Variants in TRUB2 observed in about 807,000 individuals in gnomAD.
TRUB2 encodes the protein pseudouridylate synthase TRUB2, mitochondrial.
A neutral mutation model predicts 31.9 loss-of-function variants in TRUB2; 31 were observed. That is an observed-to-expected ratio of 0.97 (90% confidence interval 0.73 to 1.31). TRUB2 has a LOEUF of 1.31. Among genes scored for constraint, TRUB2 ranks in the 50% most tolerant of loss-of-function variants. The pLI is 0.00. For synonymous variants in TRUB2, 201 were observed against 182.6 expected, an observed-to-expected ratio of 1.10 and a Z score of -0.81; for missense variants, 451 against 439.6, an observed-to-expected ratio of 1.03 and a Z score of -0.23.
chr9:128,317,363 C>G, intron 2 of TRUB2, 137 bp from the exon 3 acceptor site: 1 of 775,446 alleles, frequency 1.3e-6, no homozygotes, highest in Non-Finnish European at 2.1e-6. Flanking sequence ...CAGGCTTCCC[C>G]GTCATGGAAT....
chr9:128,314,552 G>A (rs965811599), intron 4 of TRUB2, among the ~76,000 whole-genome samples: 1 of 151,838 alleles, frequency 6.6e-6, no homozygotes, highest in Non-Finnish European at 1.5e-5. Context: ...CGGGTGGATC[G>A]TCGAGTAGCT....
At chr9:128,321,544 G>A (rs888945095) in intron 2 of TRUB2, 55 bp downstream of exon 2, 1 of 1,608,606 alleles carries the variant, frequency 6.2e-7, no homozygotes, top group Non-Finnish European at 8.5e-7. Context: ...ACACTGACTC[G>A]GCTCAGGGAT....
At chr9:128,311,116 T>C in intron 6 of TRUB2, 93 bp from the exon 7 acceptor site, 1 of 1,537,266 alleles carries the variant, frequency 6.5e-7, no homozygotes, top group South Asian at 1.2e-5. Context: ...TTGCTTTGTG[T>C]GCCCTGCCAC....
chr9:128,313,014 C>T (rs1190401691), intron 5 of TRUB2, among the ~76,000 whole-genome samples: 1 of 150,932 alleles, frequency 6.6e-6, no homozygotes, highest in Non-Finnish European at 1.5e-5. Flanking sequence ...TCAGGAGTTC[C>T]AGACCAGACT....
intron 7 of TRUB2, 53 bp downstream of exon 7, chr9:128,310,834 C>T: frequency 3.7e-6 from 6 of 1,608,368 alleles, no homozygotes; most frequent in Non-Finnish European, 5.1e-6. Flanking sequence ...TCCTGAGTGA[C>T]TCCCAAACCT....
At chr9:128,321,218 G>A (rs1832167340) in intron 2 of TRUB2, among the ~76,000 whole-genome samples, 1 of 152,178 alleles carries the variant, frequency 6.6e-6, no homozygotes, top group African/African-American at 2.4e-5. Flanking sequence ...CTGCCAATCT[G>A]AAGCTGGATC....
At position 128,309,685 on chromosome 9, in the gene TRUB2, G is replaced by C; in HGVS notation, c.861C>G (p.Thr287=). Residue 287 remains threonine, a synonymous_variant, in exon 8 of 8, where the codon ACC becomes ACG. Transcript: ENST00000372890. ...TCTCCAGCTCTGCAGCTACCTGAGGGGTAGCAGCCCGGATAGCATCCTGGA... is the reference window on the plus strand; with the variant it reads ...TCTCCAGCTCTGCAGCTACCTGAGGCGTAGCAGCCCGGATAGCATCCTGGA... ...TNIQDAIRAA[T]PQVAAELEKS... 6.2e-7 allele frequency: 1 copy of C among 1,614,220 alleles called. No individual in the cohort carries two copies. The highest frequency in any genetic ancestry group is 8.5e-7 in the Non-Finnish European group (1 of 1,180,042).
At position 128,310,935 on chromosome 9, in the gene TRUB2, T is replaced by C. The variant is rs371477371; in HGVS notation, c.622A>G (p.Ile208Val). 3.1e-6 allele frequency: 5 copies of C among 1,614,106 alleles called. No homozygotes were observed. Among genetic ancestry groups the C allele is most frequent in the Non-Finnish European group, 4.2e-6 (5 of 1,180,050 alleles). Residue 208 changes from isoleucine (I) to valine (V), a missense_variant, in exon 7 of 8, where the codon ATA becomes GTA. Transcript: ENST00000372890. ...AAGTAGAGGCATCGGATGCCAGTTA[T>C]CAGCATCGGGGACTTGTTCATGGGC... The part of the protein sequence containing the change: ...IRPMNKSPML[I>V]TGIRCLYFAP...
At chr9:128,317,343 GC>G in intron 2 of TRUB2, 117 bp from the exon 3 acceptor site, 1 of 898,618 alleles carries the variant, frequency 1.1e-6, no homozygotes, top group Non-Finnish European at 1.8e-6. Context: ...CTAGCATCAG[GC>G]CAGACTCTCA....
intron 2 of TRUB2, among the ~76,000 whole-genome samples, chr9:128,320,304 G>A (rs1181159765): frequency 6.6e-6 from 1 of 151,346 alleles, no homozygotes; most frequent in African/African-American, 2.4e-5. Flanking sequence ...CGAGTAGCTG[G>A]AACTACAGGC....
At chr9:128,310,103 C>G (rs1258528021) in intron 7 of TRUB2, among the ~76,000 whole-genome samples, 1 of 151,968 alleles carries the variant, frequency 6.6e-6, no homozygotes, top group African/African-American at 2.4e-5. Flanking sequence ...CAGAATCTGC[C>G]CTTTTTTGGC....
chr9:128,315,027 C>T (rs1832042644), intron 4 of TRUB2, among the ~76,000 whole-genome samples: 1 of 152,216 alleles, frequency 6.6e-6, no homozygotes. Flanking sequence ...CCACTAAAAA[C>T]ATGGGCCCCA....
At chr9:128,319,540 T>A (rs1832126362) in intron 2 of TRUB2, among the ~76,000 whole-genome samples, 1 of 151,916 alleles carries the variant, frequency 6.6e-6, no homozygotes, top group South Asian at 2.1e-4. Flanking sequence ...GGGGATTGGG[T>A]CCAGGATCCC....
chr9:128,316,961 G>A (rs1832079031), intron 3 of TRUB2, 191 bp downstream of exon 3: 4 of 564,138 alleles, frequency 7.1e-6, no homozygotes, highest in Non-Finnish European at 1.3e-5. Context: ...GTGGGTGACT[G>A]TGGTATTAAC....
At chr9:128,321,811 G>A (rs1433303749) in intron 1 of TRUB2, 81 bp from the exon 2 acceptor site, 3 of 1,441,208 alleles carry the variant, frequency 2.1e-6, no homozygotes, top group African/African-American at 1.4e-5. Flanking sequence ...ACAGGGCCTC[G>A]TTCTGTAGCC....
At chr9:128,310,774 C>T (rs1171651653) in intron 7 of TRUB2, 113 bp downstream of exon 7, 45 of 1,439,346 alleles carry the variant, frequency 3.1e-5, no homozygotes, top group Non-Finnish European at 3.4e-5. Context: ...TCAGGGCCGG[C>T]GTGTGCTGGC....
chr9:128,310,760 G>C, intron 7 of TRUB2, 127 bp downstream of exon 7: 1 of 1,338,726 alleles, frequency 7.5e-7, no homozygotes, highest in Non-Finnish European at 1.0e-6. Flanking sequence ...TTGGCCCGCA[G>C]AGATCAGGGC....
chr9:128,321,409 C>T (rs1368338280), intron 2 of TRUB2, among the ~76,000 whole-genome samples, 190 bp downstream of exon 2: 2 of 152,208 alleles, frequency 1.3e-5, no homozygotes, highest in Non-Finnish European at 2.9e-5. Context: ...CAACGGAAAT[C>T]ACATGGCCTG....
chr9:128,316,000 G>T, intron 3 of TRUB2: 1 of 228,856 alleles, frequency 4.4e-6, no homozygotes, highest in Non-Finnish European at 9.1e-6. Flanking sequence ...TTCCCCATCA[G>T]TAAAATGGGG....
Sources: gnomAD v4.1 joint callset for allele counts (sites outside exome capture counted in the v4.1 genomes callset) on GRCh38, gnomAD v4.1.1 for gene constraint, MANE v1.5 for transcripts, NCBI Gene and HGNC (gene_info 2026-07-23, HGNC 2026-07-21) for gene names.